The following ZDHHC11B variants were observed in gnomAD, a reference collection of about 807,000 sequenced individuals.
ZDHHC11B encodes zDHHC palmitoyltransferase 11B (putative).
In ZDHHC11B, 17 loss-of-function variants were observed where a neutral mutation model predicts 42.3. The ratio of observed to expected loss-of-function variants is 0.40; its 90% CI spans 0.27 to 0.60. The LOEUF is 0.60. Among genes scored for constraint, ZDHHC11B ranks in the 20% least tolerant of loss-of-function variants. ZDHHC11B has a pLI of 0.41. For synonymous variants in ZDHHC11B, 123 were observed against 193.5 expected, an observed-to-expected ratio of 0.64 and a Z score of 3.02; for missense variants, 262 against 463.2, an observed-to-expected ratio of 0.57 and a Z score of 3.99.
chr5:730,444 A>G lies in ZDHHC11B; in HGVS notation c.1048T>C (p.Ser350Pro). Reference protein sequence around the residue: ...AQEADDAPSTSTLGLQQETTE... With the variant: ...AQEADDAPSTPTLGLQQETTE... ...AACTTACGAACTTACCCAAGTGTAG[A>G]TGTACTCGGGGCATCATCTGCTTCC... is the stretch of plus-strand genomic sequence containing the variant. Residue 350 changes from serine to proline, a missense_variant, in exon 12 of 14, where the codon TCT becomes CCT. By Grantham distance (74) the Ser-to-Pro change is moderately conservative (BLOSUM62 -1). Around this residue, in one of 5 missense-constraint regions of ZDHHC11B, gnomAD observed 75 missense variants for 70.1 expected, o/e 1.07. Transcript: ENST00000508859. The G allele has an allele frequency of 6.3e-7, 1 of 1,578,376 alleles. No individual in the cohort carries two copies. Among genetic ancestry groups the G allele is most frequent in the Non-Finnish European group, 8.6e-7 (1 of 1,168,648 alleles).
intron 1 of ZDHHC11B, among the ~76,000 whole-genome samples, chr5:777,003 C>G (rs1334694096): frequency 6.6e-6 from 1 of 151,898 alleles, no homozygotes; most frequent in African/African-American, 2.4e-5. Context: ...GAGTCCGTGC[C>G]TTTCCCCCTG....
intron 8 of ZDHHC11B, 93 bp downstream of exon 8, chr5:748,311 C>G: frequency 1.1e-6 from 1 of 920,900 alleles, no homozygotes; most frequent in Non-Finnish European, 1.6e-6. Flanking sequence ...GTGGGGGGCT[C>G]AGGGTTAGGG....
chr5:777,821 C>T lies in ZDHHC11B; in HGVS notation c.-230+6847G>A, dbSNP rs1185279075. On this transcript the variant is annotated intron_variant, in intron 1 of 13. Transcript: ENST00000508859. The stretch of plus-strand genomic sequence containing the variant: ...AGCTGCCCGCCAGTACTGCGCCACG[C>T]GCCCGCACTCCTCAGCCCTTGGGCG... 7.2e-5 allele frequency among the ~76,000 whole-genome samples: 11 copies of T among 152,082 alleles called. 1 individual carries two copies. The highest frequency in any genetic ancestry group is 2.0e-4 in the Admixed American group (3 of 15,272).
intron 12 of ZDHHC11B, among the ~76,000 whole-genome samples, chr5:727,940 T>C (rs1392887542): frequency 6.6e-6 from 1 of 151,674 alleles, no homozygotes; most frequent in Admixed American, 6.6e-5. Flanking sequence ...TTCACAAAAA[T>C]TTATGAACTT....
chr5:759,030 C>T (rs1472903471), intron 4 of ZDHHC11B, among the ~76,000 whole-genome samples: 1 of 151,906 alleles, frequency 6.6e-6, no homozygotes, highest in African/African-American at 2.4e-5. Context: ...ATTTTCTCTG[C>T]TTCTACTTTC....
chr5:770,216 G>A (rs1486152508), intron 1 of ZDHHC11B, among the ~76,000 whole-genome samples: 4 of 150,590 alleles, frequency 2.7e-5, no homozygotes, highest in African/African-American at 2.4e-5. Context: ...GCACCAGGAC[G>A]TGGCGAGGGC....
chr5:724,686 C>T (rs191073342), intron 12 of ZDHHC11B, among the ~76,000 whole-genome samples: 4,240 of 149,618 alleles, frequency 0.028, 101 homozygotes, highest in Middle Eastern at 0.048. Flanking sequence ...CACACACACA[C>T]ACAGACACAC....
chr5:719,371 A>G (rs1742013484), intron 12 of ZDHHC11B, among the ~76,000 whole-genome samples: 1 of 151,720 alleles, frequency 6.6e-6, no homozygotes, highest in South Asian at 2.1e-4. Flanking sequence ...AAGACATTAA[A>G]TCAGCTGTCT....
intron 12 of ZDHHC11B, among the ~76,000 whole-genome samples, chr5:719,983 T>A (rs1404133731): frequency 6.6e-6 from 1 of 151,776 alleles, no homozygotes; most frequent in East Asian, 1.9e-4. Context: ...TATCTGCCCA[T>A]TAATGTACAG....
chr5:780,820 G>A (rs1357342846), intron 1 of ZDHHC11B, among the ~76,000 whole-genome samples: 1 of 152,122 alleles, frequency 6.6e-6, no homozygotes, highest in African/African-American at 2.4e-5. Context: ...GAAGGCAGAG[G>A]TGCCACCCCG....
intron 7 of ZDHHC11B, among the ~76,000 whole-genome samples, chr5:750,476 A>G (rs28702512): frequency 0.073 from 6,990 of 95,526 alleles, 413 homozygotes; most frequent in Non-Finnish European, 0.11. Context: ...ACTCGTGGCT[A>G]GATTTGGGCT....
chr5:771,386 A>G (rs1293817001), intron 1 of ZDHHC11B, among the ~76,000 whole-genome samples: 1 of 151,590 alleles, frequency 6.6e-6, no homozygotes, highest in Non-Finnish European at 1.5e-5. Flanking sequence ...AGACACCAAA[A>G]ATGCAGATGC....
chr5:723,024 T>G (rs1457892503), intron 12 of ZDHHC11B, among the ~76,000 whole-genome samples: 5 of 151,492 alleles, frequency 3.3e-5, no homozygotes, highest in Non-Finnish European at 7.4e-5. Context: ...GGAACAAAAT[T>G]TGAAGGAAAG....
chr5:761,741 A>G (rs1734641395), intron 4 of ZDHHC11B, among the ~76,000 whole-genome samples: 1 of 151,886 alleles, frequency 6.6e-6, no homozygotes, highest in Non-Finnish European at 1.5e-5. Context: ...GGCCTCTCAG[A>G]AAAGGCCTCT....
chr5:728,564 G>A (rs1378434074), intron 12 of ZDHHC11B, among the ~76,000 whole-genome samples: 7 of 151,942 alleles, frequency 4.6e-5, no homozygotes, highest in African/African-American at 9.7e-5. Context: ...TATATGAAAC[G>A]TCATGAGTGT....
chr5:784,421 G>A (rs1254108791), intron 1 of ZDHHC11B, among the ~76,000 whole-genome samples: 5 of 152,146 alleles, frequency 3.3e-5, no homozygotes, highest in Admixed American at 1.3e-4. Context: ...CGCGGCCGAC[G>A]GTGACCCCCG....
rs1289626100 is a variant in ZDHHC11B at position 724,813 on chromosome 5, A to G, written c.1058+5621T>C. Reference sequence around the variant, plus strand: ...CTTTACAAAAAAATAAAAAACAAACAAAACCTGAACCCAGCACCTGGAAGC... The same window carrying G: ...CTTTACAAAAAAATAAAAAACAAACGAAACCTGAACCCAGCACCTGGAAGC... On this transcript the variant is annotated intron_variant, in intron 12 of 13. Coordinates refer to ENST00000508859, the MANE Select transcript of ZDHHC11B (RefSeq NM_001351303.2). Among the ~76,000 whole-genome samples, 197 of 148,674 alleles carry G rather than the reference A, an allele frequency of 1.3e-3. 1 individual carries two copies. Among genetic ancestry groups the G allele is most frequent in the African/African-American group, 4.6e-3 (182 of 39,736 alleles).
intron 10 of ZDHHC11B, among the ~76,000 whole-genome samples, chr5:735,709 C>G (rs1208438336): frequency 1.3e-5 from 2 of 148,178 alleles, no homozygotes; most frequent in African/African-American, 5.0e-5. Flanking sequence ...TTGTATTCAG[C>G]AAAACTATGT....
chr5:722,771 T>A (rs1742286211), intron 12 of ZDHHC11B, among the ~76,000 whole-genome samples: 2 of 150,602 alleles, frequency 1.3e-5, no homozygotes, highest in African/African-American at 4.9e-5. Context: ...GCAGAGGGGG[T>A]AATTAAGTGT....
Sources: allele counts gnomAD v4.1 joint callset (sites outside exome capture counted in the v4.1 genomes callset), GRCh38; gene constraint gnomAD v4.1.1; regional missense constraint gnomAD v4.1.1; transcripts MANE v1.5; gene names NCBI Gene and HGNC (gene_info 2026-07-23, HGNC 2026-07-21).